Variants in SLC39A13 observed in about 807,000 individuals in gnomAD.
The protein encoded by SLC39A13 is zinc transporter ZIP13.
In SLC39A13, 18 loss-of-function variants were observed where a neutral mutation model predicts 38.7. The ratio of observed to expected loss-of-function variants is 0.47; its 90% confidence interval spans 0.32 to 0.69. The LOEUF (loss-of-function observed/expected upper bound fraction) is 0.69, where lower values mean the gene tolerates loss of function less well. SLC39A13 is among the 30% of genes least tolerant of loss of function. The pLI is 0.03. For missense variants in SLC39A13, 395 were observed against 490.7 expected, an observed-to-expected ratio of 0.80 and a Z score of 1.84; for synonymous variants, 212 against 219.1, an observed-to-expected ratio of 0.97 and a Z score of 0.29.
chr11:47,410,008 AGGAG>A (rs2095989417), intron 1 of SLC39A13, 75 bp from the exon 2 acceptor site: 1 of 1,554,794 alleles, frequency 6.4e-7, no homozygotes, highest in Non-Finnish European at 8.8e-7. Context: ...CCTTGCGGGG[AGGAG>A]GGAGGCGCCA....
chr11:47,415,663 C>T lies in SLC39A13; in HGVS notation c.*300C>T, dbSNP rs982811703. The T allele has an allele frequency of 1.2e-5, 6 of 497,570 alleles. No homozygotes were observed. Among genetic ancestry groups the T allele is most frequent in the East Asian group, 7.9e-5 (2 of 25,216 alleles). 30.8% of individuals were successfully genotyped at this position (497,570 alleles called of 1,614,324 possible). A position where few individuals can be genotyped will look rare whatever the true frequency, so the allele number is the denominator to read the frequency against. On this transcript the variant is annotated 3_prime_UTR_variant, in exon 10 of 10. Transcript: ENST00000362021. ...CACCTTCACCTCCCGGAGTAAGCAG[C>T]GAGGAAGAGCAGCACTGGTCCCAAG...
At chr11:47,412,753 C>A (rs1358933650) in intron 4 of SLC39A13, among the ~76,000 whole-genome samples, 1 of 149,492 alleles carries the variant, frequency 6.7e-6, no homozygotes, top group Non-Finnish European at 1.5e-5. Flanking sequence ...AACAGGGGTT[C>A]CTATCTTTTT....
At chr11:47,413,009 C>T (rs544415096) in intron 4 of SLC39A13, among the ~76,000 whole-genome samples, 163 of 150,424 alleles carry the variant, frequency 1.1e-3, no homozygotes, top group African/African-American at 3.8e-3. Flanking sequence ...ATCCACCCAC[C>T]TCAGCCTCCC....
At position 47,415,046 on chromosome 11, in the gene SLC39A13, T is replaced by C. The variant is rs746840112; in HGVS notation, c.927T>C (p.Cys309=). 6.2e-7 allele frequency: 1 copy of C among 1,613,484 alleles called. No homozygotes were observed. Among genetic ancestry groups the C allele is most frequent in the Admixed American group, 1.7e-5 (1 of 59,920 alleles). Residue 309 remains cysteine, a synonymous_variant, in exon 9 of 10, where the codon TGT becomes TGC. Coordinates refer to ENST00000362021, the MANE Select transcript of SLC39A13 (RefSeq NM_001128225.3). ...CTQSPKGVVG[C]SPAAEETAAW... ...AGTGCCTTGGGTACCCAGTTGGGTGTTCTCCCGCTGCAGAGGAGACGGCAG... is the reference window on the plus strand; with the variant it reads ...AGTGCCTTGGGTACCCAGTTGGGTGCTCTCCCGCTGCAGAGGAGACGGCAG...
In SLC39A13 at chr11:47,415,422, G is replaced by T; in HGVS notation, c.*59G>T. Reference sequence around the variant, plus strand: ...GCAATAAGATGCTCGGATTCACTCTGTGACCGCATATGTGAGAGGCAGAGA... The same window carrying T: ...GCAATAAGATGCTCGGATTCACTCTTTGACCGCATATGTGAGAGGCAGAGA... On this transcript the variant is annotated 3_prime_UTR_variant, in exon 10 of 10. Coordinates refer to ENST00000362021, the MANE Select transcript of SLC39A13 (RefSeq NM_001128225.3). 1 of 1,585,096 alleles carries T rather than the reference G, an allele frequency of 6.3e-7. No individual in the cohort carries two copies.
chr11:47,410,502 G>GA, intron 2 of SLC39A13, 107 bp downstream of exon 2: 1 of 1,415,854 alleles, frequency 7.1e-7, no homozygotes, highest in South Asian at 1.2e-5. Context: ...GGAGGGAGAG[G>GA]ATAGAATAGA....
chr11:47,408,580 C>CGGGCGGGGCAGAGCCT (rs1595874952), upstream of SLC39A13: 7 of 146,904 alleles, frequency 4.8e-5, no homozygotes, highest in East Asian at 1.4e-3. Context: ...GCCGGGCGGC[C>CGGGCGGGGCAGAGCCT]GGGCGGGGCA....
At position 47,414,815 on chromosome 11, in the gene SLC39A13, C is replaced by G. The variant is rs761988925; in HGVS notation, c.825C>G (p.Asp275Glu). The G allele has an allele frequency of 6.2e-7, 1 of 1,611,760 alleles. No homozygotes were observed. The highest frequency in any genetic ancestry group is 1.1e-5 in the South Asian group (1 of 91,038). Reference sequence around the variant, plus strand: ...CCATCCTGCTCCGGGCCGGCTTTGACCGATGGAGCGCAGCCAAGCTGCAAC... The same window carrying G: ...CCATCCTGCTCCGGGCCGGCTTTGAGCGATGGAGCGCAGCCAAGCTGCAAC... ...DFAILLRAGF[D>E]RWSAAKLQLS... Residue 275 changes from aspartate (D) to glutamate (E), a missense_variant, in exon 8 of 10, where the codon GAC (aspartate) becomes GAG (glutamate). Physicochemically the swap from Asp to Glu is conservative, Grantham distance 45 (BLOSUM62 2). Transcript: ENST00000362021.
chr11:47,408,031 A>T (rs1451067904), upstream of SLC39A13, among the ~76,000 whole-genome samples: 1 of 152,252 alleles, frequency 6.6e-6, no homozygotes, highest in African/African-American at 2.4e-5. Context: ...ACCAAAGCAT[A>T]AAAATAATTC....
At chr11:47,409,888 C>T (rs1595876911) in intron 1 of SLC39A13, 199 bp from the exon 2 acceptor site, 4 of 609,060 alleles carry the variant, frequency 6.6e-6, no homozygotes, top group Admixed American at 3.0e-5. Context: ...GGAAAAAATA[C>T]GCAGTGCTCA....
intron 5 of SLC39A13, 31 bp from the exon 6 acceptor site, chr11:47,413,566 A>T (rs1377920323): frequency 1.2e-6 from 2 of 1,614,108 alleles, no homozygotes; most frequent in Non-Finnish European, 1.7e-6. Context: ...AGCCCCACTC[A>T]GCCCTGCCTC....
At chr11:47,413,377 C>A (rs746887570) in intron 4 of SLC39A13, 23 bp from the exon 5 acceptor site, 1 of 1,611,592 alleles carries the variant, frequency 6.2e-7, no homozygotes, top group South Asian at 1.1e-5. Flanking sequence ...AATGTCACCT[C>A]TCCCTCCTTC....
chr11:47,410,891 T>C (rs1421946463), intron 2 of SLC39A13, among the ~76,000 whole-genome samples: 1 of 152,246 alleles, frequency 6.6e-6, no homozygotes, highest in Non-Finnish European at 1.5e-5. Context: ...CCAGCAGCTC[T>C]GTGCCAGGCA....
At chr11:47,408,317 G>C (rs1035358487), upstream of SLC39A13, among the ~76,000 whole-genome samples, 1 of 152,100 alleles carries the variant, frequency 6.6e-6, no homozygotes, top group African/African-American at 2.4e-5. Context: ...CAGAGCCGCC[G>C]CTTCCGTCCC....
intron 2 of SLC39A13, 86 bp from the exon 3 acceptor site, chr11:47,411,840 A>T: frequency 7.4e-7 from 1 of 1,350,230 alleles, no homozygotes; most frequent in Non-Finnish European, 1.0e-6. Flanking sequence ...GCAGGCCCAG[A>T]AAGAGCCCAG....
chr11:47,410,301 C>T lies in SLC39A13; in HGVS notation c.207C>T (p.Ile69=). Residue 69 remains isoleucine, a synonymous_variant, in exon 2 of 10, where the codon ATC becomes ATT. Coordinates refer to ENST00000362021, the MANE Select transcript of SLC39A13 (RefSeq NM_001128225.3). The part of the protein sequence containing the change: ...LLSGERLDTW[I]CSLLGSLMVG... ...GCGGAGAGCGGCTGGACACCTGGAT[C>T]TGCTCCCTCCTGGGTTCCCTCATGG... 6.2e-7 allele frequency: 1 copy of T among 1,614,158 alleles called. No individual in the cohort carries two copies. Among genetic ancestry groups the T allele is most frequent in the Non-Finnish European group, 8.5e-7 (1 of 1,180,010 alleles).
At position 47,415,496 on chromosome 11, in the gene SLC39A13, GGTGCGT is replaced by G. The variant is rs2096023086; in HGVS notation, c.*137_*142del. ...TGAGCCTCCCGCCAGACAGGAGGGA[GGTGCGT>G]GTGGATGTATGTGGTGTGCACATGT... On this transcript the variant is annotated 3_prime_UTR_variant, in exon 10 of 10. Coordinates refer to ENST00000362021, the MANE Select transcript of SLC39A13 (RefSeq NM_001128225.3). The G allele has an allele frequency of 1.0e-6, 1 of 988,684 alleles. No individual in the cohort carries two copies. Among genetic ancestry groups the G allele is most frequent in the Admixed American group, 1.9e-5 (1 of 52,142 alleles). The allele number at this position is 988,684 out of a possible 1,614,324, so 61.2% of individuals were successfully genotyped here.
At chr11:47,414,950 G>A (rs2096018980) in intron 8 of SLC39A13, 41 bp downstream of exon 8, 1 of 1,603,704 alleles carries the variant, frequency 6.2e-7, no homozygotes, top group Non-Finnish European at 8.5e-7. Flanking sequence ...GGCATCAGCA[G>A]AGGGGCACCA....
At chr11:47,412,268 A>T in intron 3 of SLC39A13, 78 bp from the exon 4 acceptor site, 1 of 1,539,524 alleles carries the variant, frequency 6.5e-7, no homozygotes, top group Non-Finnish European at 8.8e-7. Flanking sequence ...CCTGGATGAG[A>T]TCCCATTCCA....
Sources: allele counts gnomAD v4.1 joint callset (sites outside exome capture counted in the v4.1 genomes callset), GRCh38; gene constraint gnomAD v4.1.1; transcripts MANE v1.5; gene names NCBI Gene and HGNC (gene_info 2026-07-23, HGNC 2026-07-21).